Variants in KCNK10 observed in about 807,000 individuals in gnomAD.
KCNK10 encodes potassium channel subfamily K member 10.
A neutral mutation model predicts 47.7 loss-of-function variants in KCNK10; 25 were observed. The observed-to-expected ratio is 0.52, with a 90% CI of 0.38 to 0.73. The LOEUF is 0.73. KCNK10 is among the 30% of genes least tolerant of loss of function. KCNK10 has a pLI of 0.00. For synonymous variants in KCNK10, 303 were observed against 285.6 expected, an observed-to-expected ratio of 1.06 and a Z score of -0.61; for missense variants, 563 against 714.5, an observed-to-expected ratio of 0.79 and a Z score of 2.42.
At chr14:88,279,176 G>T (rs902481953) in intron 1 of KCNK10, among the ~76,000 whole-genome samples, 2 of 152,150 alleles carry the variant, frequency 1.3e-5, no homozygotes, top group African/African-American at 4.8e-5. Flanking sequence ...ACCAGCATTT[G>T]ATGAGGTCCT....
Position 88,263,366 on chromosome 14 carries a change from TG to T in KCNK10, c.237del (p.Ile80SerfsTer45). On this transcript the variant is annotated frameshift_variant, in exon 2 of 7. Transcript: ENST00000319231. LOFTEE classifies it high-confidence loss of function. ...QTVMKWKTVVAIFVVVVVYLV... is the reference protein window; with the variant it reads ...QTVMKWKTVVXIFVVVVVYLV... The stretch of plus-strand genomic sequence containing the variant: ...AGGTAGACCACCACAACCACAAAGA[TG>T]GCAACCACCGTCTTCCACTTCATGA... 6.2e-7 allele frequency: 1 copy of T among 1,613,904 alleles called. No homozygotes were observed. The highest frequency in any genetic ancestry group is 1.1e-5 in the South Asian group (1 of 91,080).
At chr14:88,272,051 A>C (rs1887418533) in intron 1 of KCNK10, among the ~76,000 whole-genome samples, 1 of 152,102 alleles carries the variant, frequency 6.6e-6, no homozygotes, top group Admixed American at 6.6e-5. Flanking sequence ...CCCCTACCAT[A>C]GGTCTGTCTT....
At position 88,295,799 on chromosome 14, in the gene KCNK10, T is replaced by C. The variant is rs192285215; in HGVS notation, c.52+26948A>G. On this transcript the variant is annotated intron_variant, in intron 1 of 6. Coordinates refer to ENST00000319231, the MANE Select transcript of KCNK10 (RefSeq NM_138317.3). ...AACATAATTAAAGTTGTTCATTAGC[T>C]CCCAACTATGGACTGTGAGCTCATC... Among the ~76,000 whole-genome samples the C allele has an allele frequency of 2.0e-3, 302 of 152,294 alleles. 3 individuals are homozygous for C. The highest frequency in any genetic ancestry group is 2.0e-3 in the Non-Finnish European group (139 of 68,026).
intron 4 of KCNK10, among the ~76,000 whole-genome samples, chr14:88,218,982 A>G (rs1204552091): frequency 1.3e-5 from 2 of 151,794 alleles, no homozygotes; most frequent in African/African-American, 4.8e-5. Context: ...GTGTAGATTA[A>G]TCTGACATTA....
In KCNK10 at chr14:88,300,493, C is replaced by T. The variant is rs138921547; in HGVS notation, c.52+22254G>A. ...CTAAGCATATACCACAAGCACTAAACATATGTCCCATAATATGAGAAACCA... is the reference window on the plus strand; with the variant it reads ...CTAAGCATATACCACAAGCACTAAATATATGTCCCATAATATGAGAAACCA... On this transcript the variant is annotated intron_variant, in intron 1 of 6. Coordinates refer to ENST00000319231, the MANE Select transcript of KCNK10 (RefSeq NM_138317.3). Among the ~76,000 whole-genome samples, 538 of 152,328 alleles carry T rather than the reference C, an allele frequency of 3.5e-3. 2 individuals are homozygous for T. The highest frequency in any genetic ancestry group is 0.02 in the Middle Eastern group (6 of 294).
chr14:88,261,637 C>A (rs767276), intron 2 of KCNK10, among the ~76,000 whole-genome samples: 59,399 of 151,838 alleles, frequency 0.39, 14,210 homozygotes, highest in Non-Finnish European at 0.52. Context: ...GCCTGTAGTC[C>A]CAGCTACTCA....
At chr14:88,310,782 ACCT>A (rs1176804218) in intron 1 of KCNK10, among the ~76,000 whole-genome samples, 2 of 152,070 alleles carry the variant, frequency 1.3e-5, no homozygotes, top group East Asian at 1.9e-4. Context: ...ATGTTACAAT[ACCT>A]CTGGACACAC....
chr14:88,195,424 A>G (rs1191692654), intron 4 of KCNK10, among the ~76,000 whole-genome samples: 2 of 152,240 alleles, frequency 1.3e-5, no homozygotes, highest in Non-Finnish European at 2.9e-5. Flanking sequence ...GTAAATGCTC[A>G]AATTTTTCCT....
At chr14:88,198,385 G>C (rs1300548101) in intron 4 of KCNK10, among the ~76,000 whole-genome samples, 1 of 152,164 alleles carries the variant, frequency 6.6e-6, no homozygotes, top group Non-Finnish European at 1.5e-5. Context: ...CCTCCCAGCT[G>C]CTCACCTATC....
intron 4 of KCNK10, among the ~76,000 whole-genome samples, chr14:88,225,819 G>A (rs1425305048): frequency 6.6e-6 from 1 of 152,222 alleles, no homozygotes; most frequent in Non-Finnish European, 1.5e-5. Context: ...AAGTTCAAAA[G>A]AGTTCTTGGA....
At chr14:88,211,053 C>G (rs959273557) in intron 4 of KCNK10, among the ~76,000 whole-genome samples, 1 of 152,114 alleles carries the variant, frequency 6.6e-6, no homozygotes, top group African/African-American at 2.4e-5. Flanking sequence ...TGTTTATACA[C>G]CCATGTTCAT....
chr14:88,201,472 C>G (rs1885099342), intron 4 of KCNK10, among the ~76,000 whole-genome samples: 1 of 151,930 alleles, frequency 6.6e-6, no homozygotes, highest in African/African-American at 2.4e-5. Context: ...CCAGCCTGGC[C>G]AATATGGTGA....
chr14:88,302,936 C>T (rs928676910), intron 1 of KCNK10, among the ~76,000 whole-genome samples: 5 of 152,050 alleles, frequency 3.3e-5, no homozygotes, highest in African/African-American at 1.2e-4. Flanking sequence ...AAAGAAGATG[C>T]GTCCCATTCA....
Position 88,189,095 on chromosome 14 carries a change from G to A in KCNK10, c.869-986C>T, listed in dbSNP as rs553772372. Among the ~76,000 whole-genome samples the A allele has an allele frequency of 2.0e-5, 3 of 152,328 alleles. No homozygotes were observed. The South Asian group carries it at 6.2e-4, about 32-fold the overall frequency. On this transcript the variant is annotated intron_variant, in intron 5 of 6. Transcript: ENST00000319231. ...TGGTAACTATCGTATTAGGTGATGA[G>A]TGATTACAGACTTTCCCACCAGACC... is the stretch of plus-strand genomic sequence containing the variant.
At chr14:88,253,995 A>G (rs553535441) in intron 2 of KCNK10, among the ~76,000 whole-genome samples, 61 of 152,238 alleles carry the variant, frequency 4.0e-4, no homozygotes, top group African/African-American at 1.4e-3. Flanking sequence ...AGTCAGGGTG[A>G]GGGGGAGAGA....
At chr14:88,214,082 G>A (rs1304710794) in intron 4 of KCNK10, among the ~76,000 whole-genome samples, 2 of 151,956 alleles carry the variant, frequency 1.3e-5, no homozygotes, top group East Asian at 1.9e-4. Flanking sequence ...TGGGATTACA[G>A]GCATGCACCA....
In KCNK10 at chr14:88,186,000, C is replaced by T. The variant is rs1412089611; in HGVS notation, c.1167G>A (p.Gln389=). 1.2e-6 allele frequency: 2 copies of T among 1,613,620 alleles called. No homozygotes were observed. The highest frequency in any genetic ancestry group is 1.1e-5 in the South Asian group (1 of 91,056). Residue 389 remains glutamine, a synonymous_variant, in exon 7 of 7, where the codon CAG becomes CAA. Coordinates refer to ENST00000319231, the MANE Select transcript of KCNK10 (RefSeq NM_138317.3). This position sits in a 1 kb window ranked among gnomAD's most constrained non-coding sequence, Gnocchi z 4.3. ...SMERRRLGLD[Q]RAHSLDMLSP... is the part of the protein sequence containing the mutation. ...ACAGCATGTCCAGTGAGTGGGCCCG[C>T]TGGTCCAGGCCCAGCCGCCGGCGCT...
chr14:88,237,687 A>G (rs1886336163), intron 3 of KCNK10, among the ~76,000 whole-genome samples: 1 of 152,206 alleles, frequency 6.6e-6, no homozygotes, highest in East Asian at 1.9e-4. Context: ...GAACAGAACT[A>G]TTTTGAAAGG....
chr14:88,311,534 A>T (rs1168324309), intron 1 of KCNK10, among the ~76,000 whole-genome samples: 1 of 152,144 alleles, frequency 6.6e-6, no homozygotes, highest in African/African-American at 2.4e-5. Context: ...ACATCTAAAA[A>T]AATCTCATGG....
Sources: allele counts gnomAD v4.1 joint callset (sites outside exome capture counted in the v4.1 genomes callset), GRCh38; gene constraint gnomAD v4.1.1; non-coding constraint Gnocchi (gnomAD v3.1); transcripts MANE v1.5; gene names NCBI Gene and HGNC (gene_info 2026-07-23, HGNC 2026-07-21).